The following PDGFRL variants were observed in gnomAD, a reference collection of about 807,000 sequenced individuals.
The protein encoded by PDGFRL is platelet-derived growth factor receptor-like protein.
A neutral mutation model predicts 37.2 loss-of-function variants in PDGFRL; 46 were observed. That is an observed-to-expected ratio of 1.24 (90% CI 0.98 to 1.58). The LOEUF (loss-of-function observed/expected upper bound fraction) is 1.58. Among genes scored for constraint, PDGFRL ranks in the 40% most tolerant of loss-of-function variants. The pLI is 0.00. For synonymous variants in PDGFRL, 251 were observed against 184.3 expected (o/e 1.36, Z -2.93); for missense variants, 692 against 467.6 (o/e 1.48, Z -4.43).
In PDGFRL at chr8:17,637,397, T is replaced by A. The variant is rs548845385; in HGVS notation, c.939+3184T>A. Among the ~76,000 whole-genome samples, 6 of 152,244 alleles carry A rather than the reference T, an allele frequency of 3.9e-5. No individual in the cohort carries two copies. The East Asian group carries it at 9.6e-4, about 24-fold the overall frequency. Reference sequence around the variant, plus strand: ...GTATCCCATTAATGTCTTGTGTATGTTAAACCACCCCAGTATGAAACCCAT... The same window carrying A: ...GTATCCCATTAATGTCTTGTGTATGATAAACCACCCCAGTATGAAACCCAT... On this transcript the variant is annotated intron_variant, in intron 5 of 5. Transcript: ENST00000251630.
At chr8:17,635,424 A>G (rs1007934916) in intron 5 of PDGFRL, among the ~76,000 whole-genome samples, 1 of 152,154 alleles carries the variant, frequency 6.6e-6, no homozygotes, top group African/African-American at 2.4e-5. Context: ...AATTAGAATA[A>G]TGGTCTCCAT....
At chr8:17,584,271 A>AT (rs2150808900) in intron 1 of PDGFRL, among the ~76,000 whole-genome samples, 1 of 152,322 alleles carries the variant, frequency 6.6e-6, no homozygotes, top group African/African-American at 2.4e-5. Flanking sequence ...CTGAAGGGGC[A>AT]TTCAGAGGTC....
chr8:17,642,574 G>C, intron 5 of PDGFRL, 39 bp from the exon 6 acceptor site: 1 of 1,294,100 alleles, frequency 7.7e-7, no homozygotes. Flanking sequence ...ATAGCAGCTT[G>C]TCCCTCTTGC....
intron 5 of PDGFRL, among the ~76,000 whole-genome samples, chr8:17,637,345 G>A (rs956979154): frequency 9.2e-5 from 14 of 152,104 alleles, no homozygotes; most frequent in Non-Finnish European, 1.5e-5. Context: ...ATGATCATGT[G>A]ATTTTTTGTT....
Position 17,589,654 on chromosome 8 carries a change from C to G in PDGFRL, c.242C>G (p.Ala81Gly). Residue 81 changes from alanine to glycine, a missense_variant, in exon 2 of 6, where the codon GCC becomes GGC. Coordinates refer to ENST00000251630, the MANE Select transcript of PDGFRL (RefSeq NM_001372073.1). ...VLDKGRFQKPAATLSLLAGQT... is the reference protein window; with the variant it reads ...VLDKGRFQKPGATLSLLAGQT... Reference sequence around the variant, plus strand: ...GATAAAGGTCGCTTCCAGAAACCCGCCGCTACCCTGAGTCTGCTGGCGGGG... The same window carrying G: ...GATAAAGGTCGCTTCCAGAAACCCGGCGCTACCCTGAGTCTGCTGGCGGGG... 6.2e-7 allele frequency: 1 copy of G among 1,613,730 alleles called. No homozygotes were observed. The highest frequency in any genetic ancestry group is 8.5e-7 in the Non-Finnish European group (1 of 1,179,652).
At chr8:17,620,373 T>C (rs989207645) in intron 2 of PDGFRL, among the ~76,000 whole-genome samples, 1 of 152,216 alleles carries the variant, frequency 6.6e-6, no homozygotes, top group Non-Finnish European at 1.5e-5. Flanking sequence ...TTTCAGTTTT[T>C]AGTGATAGAT....
rs1280966974 is a variant in PDGFRL at position 17,642,611 on chromosome 8, A to G, written c.940-2A>G. 10 of 1,597,156 alleles carry G rather than the reference A, an allele frequency of 6.3e-6. No homozygotes were observed. The highest frequency in any genetic ancestry group is 7.7e-6 in the Non-Finnish European group (9 of 1,164,864). ...TCAGTCTTTGTGGGTGTCGTTAAAC[A>G]GGATGAAAGGCCTGTGACGATCCAA... On this transcript the variant is annotated splice_acceptor_variant, in intron 5 of 5. Transcript: ENST00000251630. LOFTEE classifies it high-confidence loss of function.
chr8:17,586,392 TCAAA>T (rs970202006), intron 1 of PDGFRL, among the ~76,000 whole-genome samples: 1 of 152,104 alleles, frequency 6.6e-6, no homozygotes, highest in East Asian at 1.9e-4. Flanking sequence ...CCATGTCACA[TCAAA>T]CAAAGAATCT....
intron 1 of PDGFRL, among the ~76,000 whole-genome samples, chr8:17,588,195 TG>T (rs1803857417): frequency 6.6e-6 from 1 of 152,268 alleles, no homozygotes; most frequent in Admixed American, 6.5e-5. Flanking sequence ...AGAGACATTT[TG>T]TTGGTGAAAT....
intron 2 of PDGFRL, among the ~76,000 whole-genome samples, chr8:17,608,138 G>A (rs940573086): frequency 4.6e-5 from 7 of 152,208 alleles, no homozygotes; most frequent in Admixed American, 2.0e-4. Context: ...CCTGCTCAAA[G>A]ACTTTGCTTG....
intron 1 of PDGFRL, among the ~76,000 whole-genome samples, chr8:17,584,354 G>A (rs1289893258): frequency 6.6e-6 from 1 of 152,104 alleles, no homozygotes; most frequent in Non-Finnish European, 1.5e-5. Context: ...TTCAAGTGGC[G>A]ATGCTGAATA....
intron 4 of PDGFRL, among the ~76,000 whole-genome samples, chr8:17,629,493 C>G (rs1804816303): frequency 6.6e-6 from 1 of 152,156 alleles, no homozygotes; most frequent in African/African-American, 2.4e-5. Context: ...GGCTGGCATC[C>G]TTCTTGTACC....
chr8:17,581,452 T>C (rs922921215), intron 1 of PDGFRL, among the ~76,000 whole-genome samples: 1 of 152,148 alleles, frequency 6.6e-6, no homozygotes, highest in African/African-American at 2.4e-5. Context: ...ATTTGATTTA[T>C]GTTTTCAAAG....
chr8:17,580,304 C>T (rs555603893), intron 1 of PDGFRL, among the ~76,000 whole-genome samples: 2 of 151,970 alleles, frequency 1.3e-5, no homozygotes, highest in South Asian at 2.1e-4. Context: ...TTGACACTTT[C>T]GTGTCTTCGT....
chr8:17,594,257 T>C (rs951813403), intron 2 of PDGFRL, among the ~76,000 whole-genome samples: 1 of 152,230 alleles, frequency 6.6e-6, no homozygotes, highest in Non-Finnish European at 1.5e-5. Context: ...CATTTTATTT[T>C]TGAGACGGAG....
intron 3 of PDGFRL, 111 bp from the exon 4 acceptor site, chr8:17,628,376 C>A: frequency 1.3e-6 from 1 of 751,520 alleles, no homozygotes; most frequent in Non-Finnish European, 2.3e-6. Context: ...AAAACCCGGC[C>A]TTTCCTACTC....
intron 2 of PDGFRL, among the ~76,000 whole-genome samples, chr8:17,605,959 A>G (rs1804267500): frequency 6.6e-6 from 1 of 152,166 alleles, no homozygotes; most frequent in African/African-American, 2.4e-5. Context: ...CTCCACCCAC[A>G]GACAACACAA....
intron 3 of PDGFRL, among the ~76,000 whole-genome samples, chr8:17,624,322 T>G (rs552389391): frequency 6.6e-5 from 10 of 152,312 alleles, no homozygotes; most frequent in African/African-American, 2.4e-4. Flanking sequence ...GACTGACTGT[T>G]GTTAGTGTGC....
intron 2 of PDGFRL, among the ~76,000 whole-genome samples, chr8:17,590,711 C>G (rs1251505245): frequency 1.3e-5 from 2 of 150,450 alleles, no homozygotes; most frequent in Admixed American, 6.6e-5. Context: ...AACTCCGTCT[C>G]AAAAAAATAA....
Sources: allele counts gnomAD v4.1 joint callset (sites outside exome capture counted in the v4.1 genomes callset), GRCh38; gene constraint gnomAD v4.1.1; transcripts MANE v1.5; gene names NCBI Gene and HGNC (gene_info 2026-07-23, HGNC 2026-07-21).